RGS22: variants seen among roughly 807,000 people sequenced by gnomAD.
RGS22 encodes the protein regulator of G protein signaling 22, also known as regulator of G-protein signaling 22.
A neutral mutation model predicts 172.9 loss-of-function variants in RGS22; 148 were observed. The observed-to-expected ratio is 0.86, with a 90% CI of 0.75 to 0.98. The LOEUF (loss-of-function observed/expected upper bound fraction) is 0.98. RGS22 is among the 50% of genes least tolerant of loss of function. The pLI, the probability that RGS22 is intolerant of heterozygous loss-of-function variation, is 0.00. For synonymous variants in RGS22, 458 were observed against 480.2 expected (o/e 0.95, Z 0.60); for missense variants, 1,347 against 1,440.8 (o/e 0.93, Z 1.05).
At chr8:100,044,484 T>C (rs1395825642) in intron 11 of RGS22, among the ~76,000 whole-genome samples, 3 of 152,202 alleles carry the variant, frequency 2.0e-5, no homozygotes, top group Non-Finnish European at 4.4e-5. Context: ...TAACCTCAAG[T>C]GATCCACCCA....
intron 23 of RGS22, among the ~76,000 whole-genome samples, chr8:99,974,546 T>TA (rs1811715082): frequency 6.6e-6 from 1 of 152,172 alleles, no homozygotes; most frequent in African/African-American, 2.4e-5. Flanking sequence ...ATGCCTGTAA[T>TA]CACAGCACTT....
At chr8:100,021,209 T>C (rs1483943788) in intron 14 of RGS22, among the ~76,000 whole-genome samples, 2 of 152,210 alleles carry the variant, frequency 1.3e-5, no homozygotes, top group African/African-American at 4.8e-5. Context: ...CACCAGAATA[T>C]GCCAATTTAT....
rs537160815 is a variant in RGS22, at chr8:100,093,747, G to C, written c.55-238C>G. 3.7e-4 allele frequency among the ~76,000 whole-genome samples: 56 copies of C among 152,220 alleles called. 1 individual carries two copies. Among genetic ancestry groups the C allele is most frequent in the Non-Finnish European group, 3.8e-4 (26 of 67,994 alleles). ...AGTGGGCATACTCTTAAAACACTTTGCTACTATACTTAGTTGGAAAACAGA... is the reference window on the plus strand; with the variant it reads ...AGTGGGCATACTCTTAAAACACTTTCCTACTATACTTAGTTGGAAAACAGA... On this transcript the variant is annotated intron_variant, in intron 2 of 27. Coordinates refer to ENST00000360863, the MANE Select transcript of RGS22 (RefSeq NM_015668.5).
chr8:99,974,590 G>A (rs1021056334), intron 23 of RGS22, among the ~76,000 whole-genome samples: 1 of 149,188 alleles, frequency 6.7e-6, no homozygotes. Context: ...ATAAGGTCAG[G>A]AGTTCGAGAC....
At chr8:100,028,351 C>T (rs947404668) in intron 14 of RGS22, among the ~76,000 whole-genome samples, 6 of 150,444 alleles carry the variant, frequency 4.0e-5, no homozygotes, top group African/African-American at 1.5e-4. Flanking sequence ...GCCAAGATAC[C>T]AGAAAAGGAA....
intron 2 of RGS22, among the ~76,000 whole-genome samples, chr8:100,098,744 C>T (rs571723081): frequency 1.3e-5 from 2 of 151,754 alleles, no homozygotes; most frequent in South Asian, 4.2e-4. Flanking sequence ...CTTCCCTTTC[C>T]TTCTCTCTGT....
chr8:100,093,867 T>C (rs1413731624), intron 2 of RGS22, among the ~76,000 whole-genome samples: 1 of 152,180 alleles, frequency 6.6e-6, no homozygotes, highest in Non-Finnish European at 1.5e-5. Flanking sequence ...TTATTAAATA[T>C]ATACATATTT....
Position 99,978,046 on chromosome 8 carries a change from GA to G in RGS22, c.3389del (p.Phe1130SerfsTer12). 1.3e-6 allele frequency: 2 copies of G among 1,514,220 alleles called. No homozygotes were observed. Among genetic ancestry groups the G allele is most frequent in the Non-Finnish European group, 1.8e-6 (2 of 1,142,214 alleles). The allele number at this position is 1,514,220 out of a possible 1,614,324, so 93.8% of individuals were successfully genotyped here. A position where few individuals can be genotyped will look rare whatever the true frequency, so the allele number is the denominator to read the frequency against. On this transcript the variant is annotated frameshift_variant, in exon 23 of 28. Transcript: ENST00000360863. LOFTEE classifies it high-confidence loss of function. The stretch of plus-strand genomic sequence containing the variant: ...TCCTAAACTCACAGAACTGAGGCCA[GA>G]ATTTAAACAGAACCCCAAAAATTGT... Reference protein sequence around the residue: ...QMTIFGVLFKFWPQFCEFRKN... With the variant: ...QMTIFGVLFKXWPQFCEFRKN...
At position 100,060,402 on chromosome 8, in the gene RGS22, GTATATATA is replaced by G. The variant is rs72050805; in HGVS notation, c.1514+2181_1514+2188del. On this transcript the variant is annotated intron_variant, in intron 9 of 27. Transcript: ENST00000360863. ...GATAAATCTGCAACTTTAGCTACGT[GTATATATA>G]TATATATATATACACACACACACAC... Among the ~76,000 whole-genome samples the G allele has an allele frequency of 1.1e-4, 11 of 102,982 alleles. 1 individual carries two copies. In the East Asian group the frequency reaches 1.3e-3, roughly 12 times the overall value. 67.6% of individuals were successfully genotyped at this position (102,982 alleles called of 152,430 possible).
rs532842149 is a variant in RGS22 at position 100,058,602 on chromosome 8, C to T, written c.1514+3989G>A. Among the ~76,000 whole-genome samples the T allele has an allele frequency of 2.0e-4, 30 of 152,132 alleles. No individual in the cohort carries two copies. The South Asian group carries it at 3.7e-3, about 19-fold the overall frequency. ...ACTTTTGCACCAACCTAATATTTAA[C>T]GTGCTGAAGGAAAAAACTTTTACCC... On this transcript the variant is annotated intron_variant, in intron 9 of 27. Transcript: ENST00000360863.
At chr8:100,085,044 G>A (rs1381480283) in intron 3 of RGS22, among the ~76,000 whole-genome samples, 1 of 152,148 alleles carries the variant, frequency 6.6e-6, no homozygotes, top group East Asian at 1.9e-4. Flanking sequence ...TAAGCAGAAT[G>A]ATTAAAAATG....
At chr8:100,055,850 G>C (rs1033474725) in intron 9 of RGS22, among the ~76,000 whole-genome samples, 4 of 152,042 alleles carry the variant, frequency 2.6e-5, no homozygotes, top group Non-Finnish European at 5.9e-5. Flanking sequence ...ACCCAGTCTC[G>C]GGTATGTCTT....
intron 14 of RGS22, among the ~76,000 whole-genome samples, chr8:100,011,833 A>G (rs1816415687): frequency 6.6e-6 from 1 of 152,244 alleles, no homozygotes; most frequent in Non-Finnish European, 1.5e-5. Context: ...GACCTGTACT[A>G]AATGAAATAT....
At chr8:100,002,033 A>G (rs1298354160) in intron 18 of RGS22, among the ~76,000 whole-genome samples, 169 bp downstream of exon 18, 1 of 152,220 alleles carries the variant, frequency 6.6e-6, no homozygotes, top group Admixed American at 6.5e-5. Flanking sequence ...TATTAAAGAC[A>G]TTTAATTTAT....
chr8:100,066,325 C>T (rs1554631826), intron 6 of RGS22, 29 bp from the exon 7 acceptor site: 2 of 1,598,150 alleles, frequency 1.3e-6, no homozygotes, highest in Admixed American at 1.7e-5. Context: ...ATTAGTTTAA[C>T]ATATGATTAG....
intron 3 of RGS22, among the ~76,000 whole-genome samples, chr8:100,085,659 G>A (rs1812105119): frequency 6.6e-6 from 1 of 152,192 alleles, no homozygotes; most frequent in Admixed American, 6.5e-5. Context: ...CACAAAATGT[G>A]TATGTTTAAC....
chr8:100,056,245 G>A (rs948886046), intron 9 of RGS22, among the ~76,000 whole-genome samples: 3 of 152,094 alleles, frequency 2.0e-5, no homozygotes, highest in South Asian at 2.1e-4. Context: ...TAGGGTATCC[G>A]GGGGAAAAAG....
intron 11 of RGS22, among the ~76,000 whole-genome samples, chr8:100,044,763 G>A (rs564076178): frequency 6.6e-6 from 1 of 150,632 alleles, no homozygotes; most frequent in African/African-American, 2.4e-5. Context: ...TCTCATCCAT[G>A]CCCACAGCTT....
At chr8:99,974,046 T>C (rs1220143007) in intron 23 of RGS22, among the ~76,000 whole-genome samples, 1 of 152,174 alleles carries the variant, frequency 6.6e-6, no homozygotes, top group Non-Finnish European at 1.5e-5. Context: ...ATGGGTATTT[T>C]CTGCCAATTT....
Sources: allele counts gnomAD v4.1 joint callset (sites outside exome capture counted in the v4.1 genomes callset), GRCh38; gene constraint gnomAD v4.1.1; transcripts MANE v1.5; gene names NCBI Gene and HGNC (gene_info 2026-07-23, HGNC 2026-07-21).